The following MTREX variants were observed in gnomAD, a reference collection of about 807,000 sequenced individuals.
MTREX encodes the protein Mtr4 exosome RNA helicase.
A neutral mutation model predicts 135.4 loss-of-function variants in MTREX; 76 were observed. The ratio of observed to expected loss-of-function variants is 0.56; its 90% CI spans 0.47 to 0.68. The LOEUF is 0.68. Among genes scored for constraint, MTREX ranks in the 30% least tolerant of loss-of-function variants. The pLI, the probability that MTREX is intolerant of heterozygous loss-of-function variation, is 0.00. For missense variants in MTREX, 920 were observed against 1,262.1 expected, an observed-to-expected ratio of 0.73 and a Z score of 4.11; for synonymous variants, 404 against 401.6, an observed-to-expected ratio of 1.01 and a Z score of -0.07.
intron 14 of MTREX, among the ~76,000 whole-genome samples, chr5:55,355,379 G>T (rs1403135048): frequency 6.6e-6 from 1 of 152,170 alleles, no homozygotes; most frequent in Non-Finnish European, 1.5e-5. Flanking sequence ...CTCTGCTTTG[G>T]CCCTCAAGGG....
At chr5:55,382,324 T>A (rs1478030874) in intron 18 of MTREX, among the ~76,000 whole-genome samples, 1 of 152,136 alleles carries the variant, frequency 6.6e-6, no homozygotes, top group Non-Finnish European at 1.5e-5. Flanking sequence ...TATGTATGTA[T>A]GTGTACATGT....
chr5:55,356,240 C>T, intron 14 of MTREX: 1 of 152,906 alleles, frequency 6.5e-6, no homozygotes, highest in Non-Finnish European at 1.5e-5. Context: ...GGTAACAGTC[C>T]TAGATGGTAC....
intron 11 of MTREX, 69 bp downstream of exon 11, chr5:55,347,213 T>C: frequency 1.4e-6 from 2 of 1,437,022 alleles, no homozygotes; most frequent in Non-Finnish European, 1.9e-6. Context: ...TCTAGTAATA[T>C]TTTTATCTGT....
intron 14 of MTREX, among the ~76,000 whole-genome samples, chr5:55,355,004 G>C (rs1329307780): frequency 1.3e-5 from 2 of 152,194 alleles, no homozygotes; most frequent in South Asian, 4.1e-4. Context: ...GGCGAGGGAA[G>C]CTCTGAGAAG....
At chr5:55,411,584 T>A (rs1181264989) in intron 23 of MTREX, among the ~76,000 whole-genome samples, 1 of 152,166 alleles carries the variant, frequency 6.6e-6, no homozygotes, top group Non-Finnish European at 1.5e-5. Context: ...AATATATTAC[T>A]TCTTGAAGTA....
intron 16 of MTREX, among the ~76,000 whole-genome samples, chr5:55,369,114 AATTTT>A (rs1049556573): frequency 4.0e-5 from 6 of 150,746 alleles, no homozygotes; most frequent in Admixed American, 1.3e-4. Flanking sequence ...ATTAATAATA[AATTTT>A]ATTTTATTTT....
At chr5:55,368,976 GTTA>G (rs1561199603) in intron 16 of MTREX, among the ~76,000 whole-genome samples, 3 of 151,894 alleles carry the variant, frequency 2.0e-5, no homozygotes, top group African/African-American at 7.3e-5. Flanking sequence ...TCTTGTAAAA[GTTA>G]TTAATAATGC....
chr5:55,416,965 T>C (rs1029174981), intron 25 of MTREX, among the ~76,000 whole-genome samples: 7 of 152,214 alleles, frequency 4.6e-5, no homozygotes, highest in African/African-American at 1.7e-4. Context: ...AGTAATAGAT[T>C]ACTGATTTTA....
At chr5:55,321,268 G>A (rs1749285230) in intron 1 of MTREX, among the ~76,000 whole-genome samples, 1 of 152,116 alleles carries the variant, frequency 6.6e-6, no homozygotes, top group Non-Finnish European at 1.5e-5. Context: ...CCACTGACCT[G>A]ATATCTGATT....
intron 5 of MTREX, among the ~76,000 whole-genome samples, chr5:55,336,908 G>A (rs543538255): frequency 6.6e-5 from 10 of 152,276 alleles, no homozygotes; most frequent in South Asian, 4.1e-4. Context: ...CATTGGTGTC[G>A]GAGTAATACT....
At chr5:55,335,381 G>T (rs1749537834) in intron 5 of MTREX, among the ~76,000 whole-genome samples, 1 of 151,904 alleles carries the variant, frequency 6.6e-6, no homozygotes, top group Non-Finnish European at 1.5e-5. Context: ...TTGTGATTTT[G>T]CCTATCCCAA....
intron 12 of MTREX, 126 bp downstream of exon 12, chr5:55,349,778 C>A: frequency 1.8e-6 from 1 of 554,362 alleles, no homozygotes; most frequent in Non-Finnish European, 3.2e-6. Context: ...TTGTGATATG[C>A]CCTTAATGAT....
chr5:55,368,606 AT>A (rs1750142925), intron 16 of MTREX, among the ~76,000 whole-genome samples: 2 of 152,126 alleles, frequency 1.3e-5, no homozygotes. Context: ...ATTTTACTTT[AT>A]TTTAGATGGG....
chr5:55,343,502 A>G (rs201981107), intron 8 of MTREX, 47 bp downstream of exon 8: 10 of 1,542,630 alleles, frequency 6.5e-6, no homozygotes, highest in Non-Finnish European at 8.9e-6. Context: ...AAAATGTTAC[A>G]GATTAGTCTT....
chr5:55,345,310 A>G (rs1238783052), intron 10 of MTREX, 114 bp downstream of exon 10: 15 of 676,136 alleles, frequency 2.2e-5, no homozygotes. Context: ...TCTAGACGAT[A>G]TGTGATAAAA....
intron 1 of MTREX, among the ~76,000 whole-genome samples, chr5:55,311,354 T>G (rs1408570046): frequency 6.6e-6 from 1 of 152,202 alleles, no homozygotes; most frequent in Non-Finnish European, 1.5e-5. Context: ...GTCTCGGATG[T>G]TTTTTGATCA....
chr5:55,344,508 C>CT lies in MTREX; in HGVS notation c.907-11dup. On this transcript the variant is annotated splice_polypyrimidine_tract_variant and intron_variant, in intron 8 of 26. Coordinates refer to ENST00000230640, the MANE Select transcript of MTREX (RefSeq NM_015360.5). ...GAAATAAAATTTTGTATGTTTAATT[C>CT]TTTCTTTTTACAGCCTTGTCATGTT... 6.4e-7 allele frequency: 1 copy of CT among 1,556,548 alleles called. No homozygotes were observed. Among genetic ancestry groups the CT allele is most frequent in the Non-Finnish European group, 8.9e-7 (1 of 1,129,536 alleles).
At chr5:55,407,863 C>T (rs7704253) in intron 22 of MTREX, among the ~76,000 whole-genome samples, 3,421 of 152,182 alleles carry the variant, frequency 0.022, 135 homozygotes, top group African/African-American at 0.079. Context: ...AAGTGATCTT[C>T]CTGCCTCAGT....
chr5:55,378,587 T>C, intron 17 of MTREX, 101 bp downstream of exon 17: 1 of 1,267,210 alleles, frequency 7.9e-7, no homozygotes, highest in Non-Finnish European at 1.1e-6. Context: ...AAATGCTTCC[T>C]GCTACAATAG....
Sources: allele counts gnomAD v4.1 joint callset (sites outside exome capture counted in the v4.1 genomes callset), GRCh38; gene constraint gnomAD v4.1.1; transcripts MANE v1.5; gene names NCBI Gene and HGNC (gene_info 2026-07-23, HGNC 2026-07-21).